The following NXPH1 variants were observed in gnomAD, a reference collection of about 807,000 sequenced individuals.
NXPH1 encodes neurexophilin-1.
In NXPH1, 5 loss-of-function variants were observed where a neutral mutation model predicts 23.7. The observed-to-expected ratio is 0.21, with a 90% CI of 0.11 to 0.44. NXPH1 has a LOEUF of 0.44. Ranked by LOEUF, NXPH1 falls within the 20% of genes least tolerant of loss-of-function variation. NXPH1 has a pLI of 0.99. For missense variants in NXPH1, 324 were observed against 321.6 expected (o/e 1.01, Z -0.06); for synonymous variants, 144 against 122.2 (o/e 1.18, Z -1.18).
At chr7:8,604,857 C>T (rs1353571003) in intron 2 of NXPH1, among the ~76,000 whole-genome samples, 2 of 152,048 alleles carry the variant, frequency 1.3e-5, no homozygotes, top group African/African-American at 4.8e-5. Flanking sequence ...AGTCTGTAGC[C>T]TCAAATAAGC....
chr7:8,445,404 A>C (rs1816386828), intron 2 of NXPH1, among the ~76,000 whole-genome samples: 1 of 152,226 alleles, frequency 6.6e-6, no homozygotes, highest in South Asian at 2.1e-4. Context: ...GCTGAGCAGA[A>C]AGAGGTGACT....
At chr7:8,509,557 C>A (rs11972718) in intron 2 of NXPH1, among the ~76,000 whole-genome samples, 17 of 151,924 alleles carry the variant, frequency 1.1e-4, no homozygotes, top group African/African-American at 4.1e-4. Context: ...TCCTCTGATT[C>A]TTCTGCTCCA....
intron 2 of NXPH1, among the ~76,000 whole-genome samples, chr7:8,497,109 G>GT (rs1269949661): frequency 6.6e-6 from 1 of 152,170 alleles, no homozygotes; most frequent in Non-Finnish European, 1.5e-5. Context: ...AGAACGTGCA[G>GT]TGTTTGGTTT....
At chr7:8,495,759 G>A (rs1379365964) in intron 2 of NXPH1, among the ~76,000 whole-genome samples, 2 of 152,032 alleles carry the variant, frequency 1.3e-5, no homozygotes, top group Admixed American at 6.6e-5. Flanking sequence ...TCTGAAATAT[G>A]TTCCTTGCAT....
At chr7:8,483,362 G>A (rs548967124) in intron 2 of NXPH1, among the ~76,000 whole-genome samples, 1 of 152,082 alleles carries the variant, frequency 6.6e-6, no homozygotes, top group African/African-American at 2.4e-5. Context: ...ACAGGGTATT[G>A]TTCAGTCACT....
intron 2 of NXPH1, among the ~76,000 whole-genome samples, chr7:8,495,055 G>C (rs975370809): frequency 2.6e-5 from 4 of 152,038 alleles, no homozygotes; most frequent in African/African-American, 9.7e-5. Flanking sequence ...GGATTAGTTA[G>C]GTTTCTCCAG....
chr7:8,748,776 G>A (rs897753030), intron 2 of NXPH1, among the ~76,000 whole-genome samples: 1 of 152,114 alleles, frequency 6.6e-6, no homozygotes, highest in Admixed American at 6.5e-5. Context: ...GGATACAAAC[G>A]CATGATGAAG....
intron 2 of NXPH1, among the ~76,000 whole-genome samples, chr7:8,557,869 G>T (rs1045681028): frequency 6.6e-6 from 1 of 151,596 alleles, no homozygotes; most frequent in Non-Finnish European, 1.5e-5. Flanking sequence ...ACCATGTAAA[G>T]GCATACAGAA....
intron 2 of NXPH1, among the ~76,000 whole-genome samples, chr7:8,508,256 A>G (rs1005873002): frequency 6.6e-6 from 1 of 152,106 alleles, no homozygotes; most frequent in Admixed American, 6.6e-5. Context: ...AACCCAACAG[A>G]CGGTCTAGAC....
At chr7:8,561,898 T>TA (rs1172173453) in intron 2 of NXPH1, among the ~76,000 whole-genome samples, 1 of 151,654 alleles carries the variant, frequency 6.6e-6, no homozygotes, top group African/African-American at 2.4e-5. Flanking sequence ...TGTGATTTTT[T>TA]AAAAAAAGTA....
intron 2 of NXPH1, among the ~76,000 whole-genome samples, chr7:8,665,784 AT>A (rs71017610): frequency 0.72 from 109,279 of 150,962 alleles, 39,928 homozygotes; most frequent in East Asian, 1. Flanking sequence ...TATAAAAGGG[AT>A]TTTTTTTTAG....
intron 2 of NXPH1, among the ~76,000 whole-genome samples, chr7:8,586,947 G>A (rs1028149496): frequency 1.3e-5 from 2 of 151,854 alleles, no homozygotes; most frequent in African/African-American, 4.8e-5. Flanking sequence ...AATATTCCAG[G>A]CAATTCTCTT....
At chr7:8,546,449 T>G (rs1818198861) in intron 2 of NXPH1, among the ~76,000 whole-genome samples, 1 of 151,382 alleles carries the variant, frequency 6.6e-6, no homozygotes, top group Non-Finnish European at 1.5e-5. Flanking sequence ...ATTTGTCCCT[T>G]TAGATCACAC....
intron 2 of NXPH1, among the ~76,000 whole-genome samples, chr7:8,503,814 A>G (rs1817477372): frequency 1.3e-5 from 2 of 151,956 alleles, no homozygotes; most frequent in South Asian, 4.1e-4. Context: ...CCGGAACACC[A>G]TCACTGCATT....
At chr7:8,747,959 C>A (rs1178221320) in intron 2 of NXPH1, among the ~76,000 whole-genome samples, 6 of 151,996 alleles carry the variant, frequency 3.9e-5, no homozygotes, top group Non-Finnish European at 5.9e-5. Flanking sequence ...ATGAAAAATA[C>A]TAACTCTGGA....
At chr7:8,737,464 G>T (rs1433410723) in intron 2 of NXPH1, among the ~76,000 whole-genome samples, 1 of 152,152 alleles carries the variant, frequency 6.6e-6, no homozygotes, top group Non-Finnish European at 1.5e-5. Context: ...TTGGCCCCCA[G>T]TCTCTTGTGG....
intron 2 of NXPH1, among the ~76,000 whole-genome samples, chr7:8,738,211 G>A (rs567971277): frequency 1.3e-5 from 2 of 152,278 alleles, no homozygotes; most frequent in East Asian, 3.9e-4. Context: ...GAGGAGAAGA[G>A]GCATTCTGGA....
intron 2 of NXPH1, among the ~76,000 whole-genome samples, chr7:8,669,488 G>A (rs1820832697): frequency 6.6e-6 from 1 of 152,178 alleles, no homozygotes; most frequent in Non-Finnish European, 1.5e-5. Context: ...AACTCAACTG[G>A]TTTTGGCACT....
rs1467188473 is a variant in NXPH1, at chr7:8,433,696, C to A, written c.-1170C>A. Among the ~76,000 whole-genome samples, 2 of 152,014 alleles carry A rather than the reference C, an allele frequency of 1.3e-5. No homozygotes were observed. The highest frequency in any genetic ancestry group is 4.8e-5 in the African/African-American group (2 of 41,396). ...GCAGCCACAGGTCGGAGGCGCCCGG[C>A]GTCGGCGCTCGAGGCCGGCAGGGGC... On this transcript the variant is annotated 5_prime_UTR_variant, in exon 1 of 3. Transcript: ENST00000405863. The surrounding 1 kb of genome is among the most constrained non-coding windows in gnomAD (Gnocchi z 6.8).
Sources: gnomAD v4.1 joint callset for allele counts (sites outside exome capture counted in the v4.1 genomes callset) on GRCh38, gnomAD v4.1.1 for gene constraint, Gnocchi (gnomAD v3.1) non-coding constraint, MANE v1.5 for transcripts, NCBI Gene and HGNC (gene_info 2026-07-23, HGNC 2026-07-21) for gene names.